Variants in BMP6 observed in about 807,000 individuals in gnomAD.
BMP6 encodes VG-1-R.
In BMP6, 17 loss-of-function variants were observed where a neutral mutation model predicts 54.1. That is an observed-to-expected ratio of 0.31 (90% CI 0.22 to 0.47). BMP6 has a LOEUF of 0.47. BMP6 is among the 20% of genes least tolerant of loss of function. The probability of loss-of-function intolerance (pLI) is 1.00; values close to 1 mark genes in which losing one functional copy is unlikely to be tolerated. For missense variants in BMP6, 720 were observed against 690.4 expected, an observed-to-expected ratio of 1.04 and a Z score of -0.48; for synonymous variants, 328 against 291.2, an observed-to-expected ratio of 1.13 and a Z score of -1.28.
At chr6:7,852,997 C>T (rs930582289) in intron 2 of BMP6, among the ~76,000 whole-genome samples, 4 of 152,242 alleles carry the variant, frequency 2.6e-5, no homozygotes, top group South Asian at 4.2e-4. Flanking sequence ...TTGATTTTCT[C>T]CCCAGCTGGT....
Position 7,881,528 on chromosome 6 carries a change from A to G in BMP6, c.*1185A>G, listed in dbSNP as rs1561801997. On this transcript the variant is annotated 3_prime_UTR_variant, in exon 7 of 7. Coordinates refer to ENST00000283147, the MANE Select transcript of BMP6 (RefSeq NM_001718.6). ...AGGAAAGACCAGACTTTTAAAAAAA[A>G]AGAGTTTATTTAGAAAGTATCATAG... The G allele has an allele frequency of 6.6e-6, 1 of 152,506 alleles. No homozygotes were observed. Among genetic ancestry groups the G allele is most frequent in the Non-Finnish European group, 1.5e-5 (1 of 68,028 alleles). 9.4% of individuals were successfully genotyped at this position (152,506 alleles called of 1,614,324 possible). A position where few individuals can be genotyped will look rare whatever the true frequency, so the allele number is the denominator to read the frequency against.
chr6:7,835,529 G>T (rs888445716), intron 1 of BMP6, among the ~76,000 whole-genome samples: 8 of 152,184 alleles, frequency 5.3e-5, no homozygotes, highest in African/African-American at 1.9e-4. Context: ...CTTTAAGCTG[G>T]CCTATCTGTG....
chr6:7,797,358 T>C (rs10498671), intron 1 of BMP6, among the ~76,000 whole-genome samples: 31,713 of 152,134 alleles, frequency 0.21, 3,718 homozygotes, highest in African/African-American at 0.31. Flanking sequence ...AAGTGTATAG[T>C]CGCTTCAGCT....
chr6:7,779,565 C>T lies in BMP6; in HGVS notation c.664+51946C>T, dbSNP rs186496547. On this transcript the variant is annotated intron_variant, in intron 1 of 6. Transcript: ENST00000283147. ...ATGTTGGCCAGGCTGGTCTTGAACT[C>T]CTGGCCTCAAGTGATCTGCCTGCCT... 6.1e-3 allele frequency among the ~76,000 whole-genome samples: 926 copies of T among 152,280 alleles called. 7 individuals carry two copies. Among genetic ancestry groups the T allele is most frequent in the African/African-American group, 0.022 (894 of 41,542 alleles).
intron 1 of BMP6, among the ~76,000 whole-genome samples, chr6:7,729,776 G>T (rs1343994107): frequency 6.6e-6 from 1 of 152,232 alleles, no homozygotes; most frequent in Non-Finnish European, 1.5e-5. Context: ...TGGGTGTTAC[G>T]TGGGAGGTAG....
At chr6:7,727,672 C>G (rs1373682025) in intron 1 of BMP6, 53 bp downstream of exon 1, 9 of 1,452,330 alleles carry the variant, frequency 6.2e-6, no homozygotes, top group African/African-American at 2.9e-5. Flanking sequence ...TTTCAGTGTC[C>G]CGGGCCCAGG....
chr6:7,742,261 A>G lies in BMP6; in HGVS notation c.664+14642A>G, dbSNP rs191324693. On this transcript the variant is annotated intron_variant, in intron 1 of 6. Transcript: ENST00000283147. ...TATTTTCCTTCTATCTGATGTCATTATGACTTTAATAAGTATGAATACAAG... is the reference window on the plus strand; with the variant it reads ...TATTTTCCTTCTATCTGATGTCATTGTGACTTTAATAAGTATGAATACAAG... Among the ~76,000 whole-genome samples the G allele has an allele frequency of 3.1e-3, 469 of 152,342 alleles. 2 individuals carry two copies. Among genetic ancestry groups the G allele is most frequent in the Non-Finnish European group, 5.7e-3 (387 of 68,034 alleles).
chr6:7,863,021 C>A (rs1466779804), intron 4 of BMP6, among the ~76,000 whole-genome samples: 1 of 152,018 alleles, frequency 6.6e-6, no homozygotes, highest in African/African-American at 2.4e-5. Flanking sequence ...TTTTGGGAGA[C>A]AGAGTCTCCC....
At chr6:7,842,410 C>T (rs1271984796) in intron 1 of BMP6, among the ~76,000 whole-genome samples, 1 of 152,004 alleles carries the variant, frequency 6.6e-6, no homozygotes, top group African/African-American at 2.4e-5. Flanking sequence ...TCTCTGTTCT[C>T]CTCTCCCACC....
At chr6:7,849,066 C>A (rs1016747032) in intron 2 of BMP6, among the ~76,000 whole-genome samples, 1 of 152,178 alleles carries the variant, frequency 6.6e-6, no homozygotes, top group Admixed American at 6.5e-5. Flanking sequence ...AAAGTCACTT[C>A]AATTATGTGG....
In BMP6 at chr6:7,857,486, T is replaced by C. The variant is rs566490318; in HGVS notation, c.858-3965T>C. Among the ~76,000 whole-genome samples, 7 of 152,338 alleles carry C rather than the reference T, an allele frequency of 4.6e-5. No individual in the cohort carries two copies. In the East Asian group the frequency reaches 7.7e-4, roughly 17 times the overall value. On this transcript the variant is annotated intron_variant, in intron 2 of 6. Coordinates refer to ENST00000283147, the MANE Select transcript of BMP6 (RefSeq NM_001718.6). Reference sequence around the variant, plus strand: ...TCTTCCCTTGTTTCAAGATTTTCTTTCGTGGTTTGCCACCTTGAGAGTATG... The same window carrying C: ...TCTTCCCTTGTTTCAAGATTTTCTTCCGTGGTTTGCCACCTTGAGAGTATG...
intron 1 of BMP6, among the ~76,000 whole-genome samples, chr6:7,730,841 C>T (rs533411252): frequency 1.6e-3 from 241 of 152,260 alleles, no homozygotes; most frequent in African/African-American, 5.6e-3. Flanking sequence ...GACAGCGCTG[C>T]GTTTTAAAGT....
At chr6:7,753,748 A>C (rs964973006) in intron 1 of BMP6, among the ~76,000 whole-genome samples, 3 of 152,226 alleles carry the variant, frequency 2.0e-5, no homozygotes, top group Non-Finnish European at 4.4e-5. Flanking sequence ...GCATTAAAGG[A>C]TATAGGTTTT....
At chr6:7,736,252 C>A (rs1208160375) in intron 1 of BMP6, among the ~76,000 whole-genome samples, 2 of 152,186 alleles carry the variant, frequency 1.3e-5, no homozygotes, top group African/African-American at 4.8e-5. Context: ...TTAAATTTCT[C>A]CCTGGCTTGT....
intron 1 of BMP6, among the ~76,000 whole-genome samples, chr6:7,746,325 C>G (rs894258387): frequency 2.0e-5 from 3 of 152,150 alleles, no homozygotes; most frequent in African/African-American, 7.2e-5. Flanking sequence ...CTATTTACAA[C>G]TTTTTAGTAA....
intron 1 of BMP6, among the ~76,000 whole-genome samples, chr6:7,756,268 T>C (rs1337295244): frequency 2.0e-5 from 3 of 152,174 alleles, no homozygotes; most frequent in Admixed American, 2.0e-4. Flanking sequence ...AGTTCACTAA[T>C]ATTTTCTTTT....
intron 1 of BMP6, among the ~76,000 whole-genome samples, chr6:7,794,769 C>T (rs1333717929): frequency 6.6e-6 from 1 of 152,176 alleles, no homozygotes; most frequent in Non-Finnish European, 1.5e-5. Context: ...GAAGAGCCTT[C>T]ACTTGCCCAG....
At chr6:7,841,667 A>G (rs1309846169) in intron 1 of BMP6, among the ~76,000 whole-genome samples, 2 of 152,190 alleles carry the variant, frequency 1.3e-5, no homozygotes, top group Non-Finnish European at 2.9e-5. Context: ...GCACAGGAGC[A>G]GCTTAGAAGA....
Position 7,862,456 on chromosome 6 carries a change from T to C in BMP6, c.1162T>C (p.Ser388Pro), listed in dbSNP as rs1307452890. The C allele has an allele frequency of 6.2e-7, 1 of 1,614,148 alleles. No homozygotes were observed. Among genetic ancestry groups the C allele is most frequent in the Admixed American group, 1.7e-5 (1 of 60,018 alleles). ...GCGCCGACAACAGAGTCGTAATCGC[T>C]CTACCCAGTCCCAGGACGTGGCGCG... is the stretch of plus-strand genomic sequence containing the variant. Reference protein sequence around the residue: ...SRRRQQSRNRSTQSQDVARVS... With the variant: ...SRRRQQSRNRPTQSQDVARVS... The change falls in exon 4 of 7, where the codon TCT (serine) becomes CCT (proline). Residue 388 changes from serine to proline, a missense_variant. By Grantham distance (74) the Ser-to-Pro change is moderately conservative. Transcript: ENST00000283147.
Sources: allele counts gnomAD v4.1 joint callset (sites outside exome capture counted in the v4.1 genomes callset), GRCh38; gene constraint gnomAD v4.1.1; transcripts MANE v1.5; gene names NCBI Gene and HGNC (gene_info 2026-07-23, HGNC 2026-07-21).